Variants in ZNF599 observed in about 807,000 individuals in gnomAD.
The protein encoded by ZNF599 is zinc finger protein 599.
ZNF599 carries 10 observed loss-of-function variants against 11.7 expected under a neutral mutation model. The ratio of observed to expected loss-of-function variants is 0.86; its 90% CI spans 0.53 to 1.45. The LOEUF (loss-of-function observed/expected upper bound fraction) is 1.45, where lower values mean the gene tolerates loss of function less well. Ranked by LOEUF, ZNF599 falls within the 40% of genes most tolerant of loss-of-function variation. The pLI is 0.00. For missense variants in ZNF599, 688 were observed against 713.6 expected (o/e 0.96, Z 0.41); for synonymous variants, 232 against 253.2 (o/e 0.92, Z 0.79).
chr19:34,790,527 C>T, the ZNF599 span, among the ~76,000 whole-genome samples: 1 of 152,108 alleles, frequency 6.6e-6, no homozygotes, highest in Non-Finnish European at 1.5e-5. Context: ...GAAAGACAAA[C>T]ACTGTGTGAT....
At chr19:34,772,737 A>C in intron 1 of ZNF599, 87 bp downstream of exon 1, 1 of 1,530,782 alleles carries the variant, frequency 6.5e-7, no homozygotes, top group Non-Finnish European at 8.7e-7. Flanking sequence ...GGAGAAGCAC[A>C]GAGTCCCGGC....
At chr19:34,779,399 C>T in the ZNF599 span, 311 of 444,942 alleles carry the variant, frequency 7.0e-4, no homozygotes, top group African/African-American at 5.7e-3. Flanking sequence ...TCATGCCCAG[C>T]CCTGACCTTT....
chr19:34,787,219 T>TATCATC, the ZNF599 span, among the ~76,000 whole-genome samples: 21 of 148,646 alleles, frequency 1.4e-4, no homozygotes, highest in Admixed American at 5.4e-4. Flanking sequence ...CGGCTATTTT[T>TATCATC]ATCATCATCA....
At chr19:34,796,522 G>A in the ZNF599 span, among the ~76,000 whole-genome samples, 1 of 151,908 alleles carries the variant, frequency 6.6e-6, no homozygotes, top group Non-Finnish European at 1.5e-5. Context: ...TGTTGGCCAG[G>A]CTAGTCTCAA....
In ZNF599 at chr19:34,769,516, C is replaced by T; in HGVS notation, c.58G>A (p.Gly20Arg). 1 of 1,614,212 alleles carries T rather than the reference C, an allele frequency of 6.2e-7. No individual in the cohort carries two copies. Among genetic ancestry groups the T allele is most frequent in the Non-Finnish European group, 8.5e-7 (1 of 1,180,016 alleles). ...AGGTCCAGGTGCCCCCATTCCTCTC[C>T]AGTGAAGGTCACAACCACGTCTTCA... ...SFEDVVVTFT[G>R]EEWGHLDLAQ... The change falls in exon 2 of 4, where the codon GGA becomes AGA. Residue 20 changes from glycine (G) to arginine (R), a missense_variant. Physicochemically the swap from Gly to Arg is moderately radical, Grantham distance 125. Transcript: ENST00000329285.
upstream of ZNF599, among the ~76,000 whole-genome samples, chr19:34,778,166 G>C (rs1045223773): frequency 2.6e-5 from 4 of 151,664 alleles, no homozygotes; most frequent in African/African-American, 9.7e-5. Context: ...AAAATCTCTG[G>C]GACACAGCTG....
chr19:34,781,556 G>C, the ZNF599 span, among the ~76,000 whole-genome samples: 431 of 152,350 alleles, frequency 2.8e-3, 5 homozygotes, highest in African/African-American at 0.01. Context: ...AGGTGCTGAG[G>C]AAGTGGAAGG....
the ZNF599 span, among the ~76,000 whole-genome samples, chr19:34,803,481 A>G: frequency 0.55 from 83,235 of 151,816 alleles, 23,228 homozygotes; most frequent in African/African-American, 0.58. Flanking sequence ...AGGTCACATT[A>G]CTCTGTTATG....
At chr19:34,769,388 A>G (rs766485412) in intron 2 of ZNF599, 41 bp downstream of exon 2, 4 of 1,613,828 alleles carry the variant, frequency 2.5e-6, no homozygotes, top group Non-Finnish European at 3.4e-6. Context: ...GGATTCAAAG[A>G]GGCTGTGGGT....
the ZNF599 span, among the ~76,000 whole-genome samples, chr19:34,785,589 C>T: frequency 6.6e-6 from 1 of 152,202 alleles, no homozygotes. Context: ...AAATATTATC[C>T]TTTGTATCTC....
chr19:34,774,680 A>G (rs1173526026), upstream of ZNF599, among the ~76,000 whole-genome samples: 1 of 152,174 alleles, frequency 6.6e-6, no homozygotes, highest in East Asian at 1.9e-4. Flanking sequence ...AAAATCTATT[A>G]ATTTAGTCAT....
At chr19:34,768,308 C>T (rs551374626) in intron 2 of ZNF599, among the ~76,000 whole-genome samples, 4 of 152,308 alleles carry the variant, frequency 2.6e-5, no homozygotes, top group African/African-American at 9.6e-5. Flanking sequence ...GTCCCTCCTC[C>T]TGGAATGCTG....
intron 3 of ZNF599, among the ~76,000 whole-genome samples, chr19:34,761,127 C>G (rs1388610590): frequency 5.9e-5 from 9 of 152,044 alleles, no homozygotes; most frequent in African/African-American, 1.9e-4. Flanking sequence ...AATGGGATGA[C>G]ATGATGGAGA....
At chr19:34,807,443 T>A in the ZNF599 span, among the ~76,000 whole-genome samples, 4 of 151,974 alleles carry the variant, frequency 2.6e-5, no homozygotes, top group Non-Finnish European at 4.4e-5. Context: ...GGTGGCACCC[T>A]AGCCTAGCGT....
the ZNF599 span, among the ~76,000 whole-genome samples, chr19:34,805,215 T>G: frequency 6.6e-6 from 1 of 151,224 alleles, no homozygotes; most frequent in African/African-American, 2.4e-5. Flanking sequence ...TTTTTTTTTT[T>G]TGAGACGGAG....
At chr19:34,769,240 G>A (rs2069166059) in intron 2 of ZNF599, among the ~76,000 whole-genome samples, 189 bp downstream of exon 2, 2 of 152,344 alleles carry the variant, frequency 1.3e-5, no homozygotes, top group Middle Eastern at 3.4e-3. Context: ...GAGGAGGACT[G>A]TGTTTCTTAC....
the ZNF599 span, among the ~76,000 whole-genome samples, chr19:34,793,754 T>C: frequency 6.6e-6 from 1 of 152,190 alleles, no homozygotes; most frequent in Non-Finnish European, 1.5e-5. Flanking sequence ...AAATGGCTGC[T>C]CTGTAGCAGA....
the ZNF599 span, among the ~76,000 whole-genome samples, chr19:34,804,566 G>T: frequency 6.6e-6 from 1 of 152,206 alleles, no homozygotes; most frequent in Admixed American, 6.5e-5. Context: ...CCACCTTCTG[G>T]ATGTCTCTAT....
the ZNF599 span, among the ~76,000 whole-genome samples, chr19:34,789,001 T>A: frequency 6.6e-6 from 1 of 152,344 alleles, no homozygotes; most frequent in East Asian, 1.9e-4. Flanking sequence ...CTATATATTA[T>A]TAACTATATT....
Sources: allele counts gnomAD v4.1 joint callset (sites outside exome capture counted in the v4.1 genomes callset), GRCh38; gene constraint gnomAD v4.1.1; transcripts MANE v1.5; gene names NCBI Gene and HGNC (gene_info 2026-07-23, HGNC 2026-07-21).